CNTN4: variants seen among roughly 807,000 people sequenced by gnomAD.
CNTN4 encodes the protein contactin-4.
A neutral mutation model predicts 122.5 loss-of-function variants in CNTN4; 77 were observed. The ratio of observed to expected loss-of-function variants is 0.63; its 90% confidence interval spans 0.52 to 0.76. The LOEUF is 0.76. Ranked by LOEUF, CNTN4 falls within the 30% of genes least tolerant of loss-of-function variation. CNTN4 has a pLI of 0.00. For missense variants in CNTN4, 1,256 were observed against 1,259.1 expected (o/e 1.00, Z 0.04); for synonymous variants, 512 against 447.0 (o/e 1.15, Z -1.83).
At chr3:2,755,348 A>T (rs1215451358) in intron 6 of CNTN4, among the ~76,000 whole-genome samples, 1 of 152,218 alleles carries the variant, frequency 6.6e-6, no homozygotes, top group African/African-American at 2.4e-5. Context: ...GTGAATATTT[A>T]GATCAACTGA....
At chr3:2,513,866 G>A (rs1283307713) in intron 3 of CNTN4, among the ~76,000 whole-genome samples, 1 of 152,002 alleles carries the variant, frequency 6.6e-6, no homozygotes, top group Non-Finnish European at 1.5e-5. Flanking sequence ...CCTTGTAAGA[G>A]GTACTTCTAA....
intron 4 of CNTN4, among the ~76,000 whole-genome samples, chr3:2,660,863 A>G (rs1157704160): frequency 6.6e-6 from 1 of 152,220 alleles, no homozygotes; most frequent in East Asian, 1.9e-4. Flanking sequence ...ATTTAATCCC[A>G]CCTTTATGCT....
chr3:2,156,373 A>G lies in CNTN4; in HGVS notation c.-145+55734A>G, dbSNP rs1252645903. Reference sequence around the variant, plus strand: ...ATGTGGGGTCTGTGCATAAACCTGTATACAGCAGAGTTCATTGCAGCAATG... The same window carrying G: ...ATGTGGGGTCTGTGCATAAACCTGTGTACAGCAGAGTTCATTGCAGCAATG... On this transcript the variant is annotated intron_variant, in intron 2 of 24. Transcript: ENST00000418658. Among the ~76,000 whole-genome samples, 3 of 152,144 alleles carry G rather than the reference A, an allele frequency of 2.0e-5. No homozygotes were observed. The East Asian group carries it at 5.8e-4, about 29-fold the overall frequency.
chr3:2,607,729 T>C (rs1452009271), intron 4 of CNTN4, among the ~76,000 whole-genome samples: 2 of 151,092 alleles, frequency 1.3e-5, no homozygotes, highest in African/African-American at 2.4e-5. Context: ...GAGGACCTAG[T>C]TGAATCTGCC....
At chr3:2,188,808 G>A (rs2037393196) in intron 2 of CNTN4, among the ~76,000 whole-genome samples, 1 of 152,140 alleles carries the variant, frequency 6.6e-6, no homozygotes, top group South Asian at 2.1e-4. Context: ...GATGGCAATG[G>A]GCTTTACATT....
At chr3:2,483,964 A>T (rs2076076024) in intron 3 of CNTN4, among the ~76,000 whole-genome samples, 1 of 152,208 alleles carries the variant, frequency 6.6e-6, no homozygotes, top group South Asian at 2.1e-4. Flanking sequence ...GCTGGACATT[A>T]TTAAAATTAA....
At chr3:2,633,253 G>T (rs1383027525) in intron 4 of CNTN4, among the ~76,000 whole-genome samples, 1 of 152,094 alleles carries the variant, frequency 6.6e-6, no homozygotes, top group Non-Finnish European at 1.5e-5. Context: ...CATAAATGAT[G>T]CCCCCACCCA....
intron 3 of CNTN4, among the ~76,000 whole-genome samples, chr3:2,383,071 A>T (rs1294567066): frequency 6.6e-6 from 1 of 150,782 alleles, no homozygotes; most frequent in African/African-American, 2.4e-5. Context: ...GCGAAAATCC[A>T]TCTCAAAAAA....
At chr3:3,009,534 C>T (rs547583290) in intron 14 of CNTN4, among the ~76,000 whole-genome samples, 5 of 151,018 alleles carry the variant, frequency 3.3e-5, no homozygotes, top group Admixed American at 1.3e-4. Flanking sequence ...CCCGGGTTCC[C>T]GCCATTCTCC....
At chr3:2,675,389 C>G (rs1179169580) in intron 4 of CNTN4, among the ~76,000 whole-genome samples, 1 of 152,178 alleles carries the variant, frequency 6.6e-6, no homozygotes, top group Non-Finnish European at 1.5e-5. Context: ...CATATAAGTT[C>G]TCACCTAAAT....
Position 2,222,476 on chromosome 3 carries a change from A to G in CNTN4, c.-144-116702A>G, listed in dbSNP as rs535354774. Among the ~76,000 whole-genome samples, 45 of 152,270 alleles carry G rather than the reference A, an allele frequency of 3.0e-4. No individual in the cohort carries two copies. In the South Asian group the frequency reaches 5.0e-3, roughly 17 times the overall value. ...TTTGTGAAGATGAAAATGTTCTGAAATTGGGTGGAAACTCTTGGAAAGTAC... is the reference window on the plus strand; with the variant it reads ...TTTGTGAAGATGAAAATGTTCTGAAGTTGGGTGGAAACTCTTGGAAAGTAC... On this transcript the variant is annotated intron_variant, in intron 2 of 24. Transcript: ENST00000418658.
At chr3:2,182,361 A>G (rs960773491) in intron 2 of CNTN4, among the ~76,000 whole-genome samples, 1 of 152,056 alleles carries the variant, frequency 6.6e-6, no homozygotes, top group African/African-American at 2.4e-5. Context: ...TCACAACACT[A>G]ATTGAATTGA....
Position 3,040,122 on chromosome 3 carries a change from C to T in CNTN4, c.2249C>T (p.Thr750Ile). ...RPYGKMIWML[T>I]VLASADASRY... ...TACGGTAAAATGATCTGGATGCTGA[C>T]AGTGCTGGCCTCAGCTGATGCCTCT... is the stretch of plus-strand genomic sequence containing the variant. Residue 750 changes from threonine to isoleucine, a missense_variant, in exon 20 of 25, where the codon ACA becomes ATA. Coordinates refer to ENST00000418658, the MANE Select transcript of CNTN4 (RefSeq NM_175607.3). The T allele has an allele frequency of 1.2e-6, 2 of 1,614,132 alleles. No individual in the cohort carries two copies. The highest frequency in any genetic ancestry group is 1.7e-6 in the Non-Finnish European group (2 of 1,179,948).
At chr3:3,037,973 A>C (rs540980338) in intron 18 of CNTN4, among the ~76,000 whole-genome samples, 1 of 152,278 alleles carries the variant, frequency 6.6e-6, no homozygotes, top group African/African-American at 2.4e-5. Flanking sequence ...AGAGGCCTAC[A>C]TGTGCCGTCT....
chr3:2,753,510 A>G (rs2090194808), intron 6 of CNTN4, among the ~76,000 whole-genome samples: 1 of 152,242 alleles, frequency 6.6e-6, no homozygotes, highest in Admixed American at 6.5e-5. Flanking sequence ...ATGAAAATTA[A>G]TGATGTGAAA....
intron 4 of CNTN4, among the ~76,000 whole-genome samples, chr3:2,597,324 C>A (rs777557593): frequency 6.6e-6 from 1 of 152,134 alleles, no homozygotes; most frequent in Non-Finnish European, 1.5e-5. Flanking sequence ...AGGGGTAATG[C>A]CTCTTCTACT....
At chr3:2,303,911 A>C (rs541806143) in intron 2 of CNTN4, among the ~76,000 whole-genome samples, 15 of 152,308 alleles carry the variant, frequency 9.8e-5, no homozygotes, top group Middle Eastern at 3.4e-3. Flanking sequence ...TCCTCAGAAT[A>C]CTGTGTAAAC....
intron 4 of CNTN4, among the ~76,000 whole-genome samples, chr3:2,573,538 G>A (rs2079522817): frequency 6.6e-6 from 1 of 152,124 alleles, no homozygotes; most frequent in African/African-American, 2.4e-5. Context: ...AAGCCATAAA[G>A]CAGTGAATTG....
intron 3 of CNTN4, among the ~76,000 whole-genome samples, chr3:2,389,789 CATT>C (rs1320025082): frequency 6.6e-6 from 1 of 152,088 alleles, no homozygotes; most frequent in Admixed American, 6.5e-5. Context: ...TGGGACAGAT[CATT>C]ATTATGAGCT....
Sources: allele counts gnomAD v4.1 joint callset (sites outside exome capture counted in the v4.1 genomes callset), GRCh38; gene constraint gnomAD v4.1.1; transcripts MANE v1.5; gene names NCBI Gene and HGNC (gene_info 2026-07-23, HGNC 2026-07-21).